The following MYO9A variants were observed in gnomAD, a reference collection of about 807,000 sequenced individuals.
MYO9A encodes myosin IXA, also known as unconventional myosin-IXa.
MYO9A carries 103 observed loss-of-function variants against 293.3 expected under a neutral mutation model. The ratio of observed to expected loss-of-function variants is 0.35; its 90% confidence interval spans 0.30 to 0.41. The LOEUF (loss-of-function observed/expected upper bound fraction) is 0.41, where lower values mean the gene tolerates loss of function less well. Among genes scored for constraint, MYO9A ranks in the 10% least tolerant of loss-of-function variants. The probability of loss-of-function intolerance (pLI) is 1.00; values close to 1 mark genes in which losing one functional copy is unlikely to be tolerated. For missense variants in MYO9A, 2,685 were observed against 3,033.0 expected (o/e 0.89, Z 2.69); for synonymous variants, 1,001 against 1,035.7 (o/e 0.97, Z 0.64).
intron 11 of MYO9A, among the ~76,000 whole-genome samples, chr15:71,982,045 A>G (rs1284269087): frequency 1.0e-5 from 1 of 100,090 alleles, no homozygotes; most frequent in Non-Finnish European, 1.8e-5. Context: ...TTTGGGACAG[A>G]GTCTCACTCT....
At position 71,956,330 on chromosome 15, in the gene MYO9A, A is replaced by AATAT. The variant is rs1555490832; in HGVS notation, c.2182+3567_2182+3570dup. On this transcript the variant is annotated intron_variant, in intron 14 of 41. Coordinates refer to ENST00000356056, the MANE Select transcript of MYO9A (RefSeq NM_006901.4). Reference sequence around the variant, plus strand: ...GCTCTTAAAAAAAAAAAAAAAAAAAAATATATATATATATATATATAAAAT... The same window carrying AATAT: ...GCTCTTAAAAAAAAAAAAAAAAAAAAATATATATATATATATATATATATAAAAT... Among the ~76,000 whole-genome samples, 22 of 75,582 alleles carry AATAT rather than the reference A, an allele frequency of 2.9e-4. 1 individual carries two copies. In the South Asian group the frequency reaches 3.9e-3, roughly 13 times the overall value. The allele number at this position is 75,582 out of a possible 152,430, so 49.6% of individuals were successfully genotyped here.
intron 1 of MYO9A, among the ~76,000 whole-genome samples, chr15:72,072,843 G>A (rs962141137): frequency 6.6e-6 from 1 of 151,912 alleles, no homozygotes; most frequent in South Asian, 2.1e-4. Flanking sequence ...AAACTCCAGC[G>A]CTACACAATA....
chr15:72,089,599 G>T (rs1261202330), intron 1 of MYO9A, among the ~76,000 whole-genome samples: 1 of 152,082 alleles, frequency 6.6e-6, no homozygotes, highest in Non-Finnish European at 1.5e-5. Context: ...GGGCAACATA[G>T]TGAGACTTCG....
Position 71,898,228 on chromosome 15 carries a change from T to C in MYO9A, c.4275A>G (p.Gln1425=), listed in dbSNP as rs766887381. 1.2e-5 allele frequency: 20 copies of C among 1,613,968 alleles called. 1 individual carries two copies. The highest frequency in any genetic ancestry group is 4.4e-5 in the South Asian group (4 of 91,078). Residue 1425 remains glutamine (Q), a synonymous_variant, in exon 25 of 42, where the codon CAA becomes CAG. Coordinates refer to ENST00000356056, the MANE Select transcript of MYO9A (RefSeq NM_006901.4). ...NSLPTFFYIP[Q]QDPLKTNSQL... is the part of the protein sequence containing the mutation. The stretch of plus-strand genomic sequence containing the variant: ...GGGAATTTGTTTTCAGTGGGTCTTG[T>C]TGGGGGATATAAAAAAAAGTAGGTA...
chr15:72,056,640 C>T (rs1204409109), intron 1 of MYO9A, among the ~76,000 whole-genome samples: 1 of 152,212 alleles, frequency 6.6e-6, no homozygotes, highest in Non-Finnish European at 1.5e-5. Flanking sequence ...GTGTATACTG[C>T]TCAGGCGATG....
chr15:71,947,862 T>C (rs1490032568), intron 15 of MYO9A, among the ~76,000 whole-genome samples: 1 of 152,216 alleles, frequency 6.6e-6, no homozygotes, highest in Non-Finnish European at 1.5e-5. Context: ...ATTCTTCTTT[T>C]CTACCCCTGC....
chr15:71,873,208 C>T (rs12903980), intron 32 of MYO9A, among the ~76,000 whole-genome samples: 30,814 of 151,950 alleles, frequency 0.2, 3,372 homozygotes, highest in East Asian at 0.41. Flanking sequence ...TGTGAACCAC[C>T]GCGCCTGGCC....
intron 1 of MYO9A, among the ~76,000 whole-genome samples, chr15:72,100,791 C>T (rs1471378768): frequency 6.7e-6 from 1 of 150,298 alleles, no homozygotes; most frequent in Non-Finnish European, 1.5e-5. Flanking sequence ...AAATGAGGAG[C>T]CTCTCCGCCC....
chr15:72,026,596 G>A (rs2077681588), intron 4 of MYO9A, among the ~76,000 whole-genome samples: 1 of 151,086 alleles, frequency 6.6e-6, no homozygotes, highest in South Asian at 2.1e-4. Flanking sequence ...ATAAGCATCA[G>A]AGCAGAAATA....
chr15:71,851,681 T>TAA (rs1197721853), intron 36 of MYO9A, among the ~76,000 whole-genome samples: 1 of 152,166 alleles, frequency 6.6e-6, no homozygotes, highest in Non-Finnish European at 1.5e-5. Context: ...CCTCAGGGCC[T>TAA]AAATACCTCT....
At chr15:72,016,859 T>TA (rs2077354941) in intron 6 of MYO9A, among the ~76,000 whole-genome samples, 1 of 152,082 alleles carries the variant, frequency 6.6e-6, no homozygotes, top group South Asian at 2.1e-4. Context: ...ACTATGCACT[T>TA]ACTAAGGATT....
At chr15:71,871,393 A>G (rs1252964876) in intron 32 of MYO9A, among the ~76,000 whole-genome samples, 1 of 151,770 alleles carries the variant, frequency 6.6e-6, no homozygotes, top group Non-Finnish European at 1.5e-5. Context: ...AAAGAAAGAA[A>G]ATGTACTGGA....
intron 32 of MYO9A, among the ~76,000 whole-genome samples, chr15:71,870,472 T>C (rs920290857): frequency 6.6e-6 from 1 of 152,130 alleles, no homozygotes; most frequent in Non-Finnish European, 1.5e-5. Context: ...ACATATATAT[T>C]TGATAAAATA....
intron 4 of MYO9A, among the ~76,000 whole-genome samples, chr15:72,025,771 G>C (rs986534849): frequency 6.6e-6 from 1 of 152,100 alleles, no homozygotes; most frequent in African/African-American, 2.4e-5. Flanking sequence ...ACAAGAAAAA[G>C]AGGACTTCAA....
At position 71,905,762 on chromosome 15, in the gene MYO9A, CA is replaced by C. The variant is rs3086807; in HGVS notation, c.2686-757del. 1.3e-3 allele frequency among the ~76,000 whole-genome samples: 95 copies of C among 71,902 alleles called. 1 individual carries two copies. In the Middle Eastern group the frequency reaches 0.038, roughly 29 times the overall value. The allele number at this position is 71,902 out of a possible 152,430, so 47.2% of individuals were successfully genotyped here. ...TGCGCAACAAAGTGAGACTCTGTCT[CA>C]AAAAAAAAAAAAAAAAAAAAAAAAA... On this transcript the variant is annotated intron_variant, in intron 19 of 41. Transcript: ENST00000356056.
intron 1 of MYO9A, among the ~76,000 whole-genome samples, chr15:72,081,841 A>G (rs1316351686): frequency 2.0e-5 from 3 of 152,166 alleles, no homozygotes. Context: ...GTTGAAGGTC[A>G]GATGGTTGTA....
chr15:72,081,717 G>C (rs530269799), intron 1 of MYO9A, among the ~76,000 whole-genome samples: 2 of 152,124 alleles, frequency 1.3e-5, no homozygotes, highest in East Asian at 3.8e-4. Flanking sequence ...GTTAATTTTT[G>C]TACACGGTGA....
chr15:71,868,730 A>G (rs1197536933), intron 32 of MYO9A, among the ~76,000 whole-genome samples: 3 of 152,184 alleles, frequency 2.0e-5, no homozygotes, highest in African/African-American at 4.8e-5. Flanking sequence ...AGGATAGCAA[A>G]TAAGTTTATA....
intron 9 of MYO9A, among the ~76,000 whole-genome samples, chr15:71,998,630 A>G (rs1403011747): frequency 6.9e-6 from 1 of 145,324 alleles, no homozygotes; most frequent in Non-Finnish European, 1.5e-5. Flanking sequence ...CACAATGTGC[A>G]GGTTAGTTAC....
Sources: allele counts gnomAD v4.1 joint callset (sites outside exome capture counted in the v4.1 genomes callset), GRCh38; gene constraint gnomAD v4.1.1; transcripts MANE v1.5; gene names NCBI Gene and HGNC (gene_info 2026-07-23, HGNC 2026-07-21).